The following CRYBG1 variants were observed in gnomAD, a reference collection of about 807,000 sequenced individuals.
CRYBG1 encodes crystallin beta-gamma domain containing 1.
Under a neutral mutation model 189.2 loss-of-function variants are expected in CRYBG1, and 139 were observed. The observed-to-expected ratio is 0.73, with a 90% CI of 0.64 to 0.85. The LOEUF (loss-of-function observed/expected upper bound fraction) is 0.85. CRYBG1 is among the 40% of genes least tolerant of loss of function. The pLI is 0.00. For missense variants in CRYBG1, 2,611 were observed against 2,675.8 expected (o/e 0.98, Z 0.53); for synonymous variants, 1,023 against 1,017.1 (o/e 1.01, Z -0.11).
At chr6:106,513,123 T>C in intron 3 of CRYBG1, 84 bp downstream of exon 3, 2 of 1,455,910 alleles carry the variant, frequency 1.4e-6, no homozygotes, top group Non-Finnish European at 9.2e-7. Context: ...GTATCTGCAT[T>C]GTGGAAGAAA....
chr6:106,543,697 G>A (rs879941976), intron 11 of CRYBG1, 100 bp downstream of exon 11: 1 of 1,311,972 alleles, frequency 7.6e-7, no homozygotes, highest in Non-Finnish European at 1.1e-6. Flanking sequence ...TGATTCTATA[G>A]TATGGTGAAT....
chr6:106,417,744 G>A (rs1771051769), intron 1 of CRYBG1, among the ~76,000 whole-genome samples: 1 of 152,228 alleles, frequency 6.6e-6, no homozygotes, highest in African/African-American at 2.4e-5. Context: ...GAGCCAGCTG[G>A]CCACTCCAGG....
intron 2 of CRYBG1, among the ~76,000 whole-genome samples, chr6:106,496,797 T>C (rs1162724533): frequency 6.6e-6 from 1 of 152,242 alleles, no homozygotes; most frequent in East Asian, 1.9e-4. Flanking sequence ...TGGCAAGTGC[T>C]GCAGGTACTA....
At chr6:106,436,941 T>C (rs549922843) in intron 1 of CRYBG1, among the ~76,000 whole-genome samples, 96 of 148,142 alleles carry the variant, frequency 6.5e-4, no homozygotes, top group Non-Finnish European at 1.0e-3. Flanking sequence ...TGTTAAACCA[T>C]TGGACATTAT....
chr6:106,428,685 A>T (rs1771271112), intron 1 of CRYBG1, among the ~76,000 whole-genome samples: 1 of 152,324 alleles, frequency 6.6e-6, no homozygotes, highest in South Asian at 2.1e-4. Flanking sequence ...CAGAGTTGGC[A>T]TTTATGTAAG....
At chr6:106,433,722 TATATATATATATAC>T (rs1239162494) in intron 1 of CRYBG1, among the ~76,000 whole-genome samples, 1 of 61,754 alleles carries the variant, frequency 1.6e-5, no homozygotes, top group African/African-American at 1.1e-4. Flanking sequence ...CTGGGAAATA[TATATATATATATAC>T]ATATATATGT....
intron 1 of CRYBG1, among the ~76,000 whole-genome samples, chr6:106,374,569 A>C (rs1770109431): frequency 6.6e-6 from 1 of 152,064 alleles, no homozygotes; most frequent in South Asian, 2.1e-4. Flanking sequence ...AAAACAAACA[A>C]ATATGCTCAA....
intron 1 of CRYBG1, among the ~76,000 whole-genome samples, chr6:106,370,249 T>C (rs1246495309): frequency 6.7e-6 from 1 of 150,146 alleles, no homozygotes; most frequent in Non-Finnish European, 1.5e-5. Flanking sequence ...TTGGGGCTTC[T>C]GCCCAAGCTG....
rs146137130 is a variant in CRYBG1 at position 106,512,557 on chromosome 6, C to A, written c.1440C>A (p.Ser480=). ...CAGCCCTCGACGGGGGCGTTGCCTC[C>A]GCTGCGAGCCCAGAGTCCAAGCCCA... ...PRAALDGGVA[S]AASPESKPSP... Residue 480 remains serine, a synonymous_variant, in exon 3 of 22, where the codon TCC becomes TCA. Coordinates refer to ENST00000633556, the MANE Select transcript of CRYBG1 (RefSeq NM_001371242.2). The A allele has an allele frequency of 5.5e-4, 876 of 1,607,186 alleles. 6 individuals carry two copies. In the African/African-American group the frequency reaches 0.01, roughly 19 times the overall value.
chr6:106,566,264 G>A lies in CRYBG1; in HGVS notation c.6302-2208G>A, dbSNP rs376327148. On this transcript the variant is annotated intron_variant, in intron 21 of 21. Coordinates refer to ENST00000633556, the MANE Select transcript of CRYBG1 (RefSeq NM_001371242.2). The stretch of plus-strand genomic sequence containing the variant: ...GTCCCTGACTTGTTACATTAGCAGC[G>A]GACCAGAAGGAAGGACACCTCACTC... Among the ~76,000 whole-genome samples the A allele has an allele frequency of 4.6e-5, 7 of 151,556 alleles. No homozygotes were observed. The East Asian group carries it at 9.7e-4, about 21-fold the overall frequency.
chr6:106,418,331 A>G (rs9373860), intron 1 of CRYBG1, among the ~76,000 whole-genome samples: 57,370 of 152,092 alleles, frequency 0.38, 11,441 homozygotes, highest in South Asian at 0.58. Context: ...GCAAACAGGA[A>G]CAGAAGTTCT....
At chr6:106,566,464 CTT>C (rs34773477) in intron 21 of CRYBG1, among the ~76,000 whole-genome samples, 15 of 71,644 alleles carry the variant, frequency 2.1e-4, no homozygotes, top group African/African-American at 3.8e-4. Context: ...CAACAACAGT[CTT>C]TTTTTTTTTT....
chr6:106,498,470 T>C (rs1772904857), intron 2 of CRYBG1, among the ~76,000 whole-genome samples: 1 of 152,156 alleles, frequency 6.6e-6, no homozygotes, highest in South Asian at 2.1e-4. Flanking sequence ...AAATAATTAA[T>C]GATATGGGTA....
intron 8 of CRYBG1, among the ~76,000 whole-genome samples, chr6:106,538,885 A>C (rs1387637734): frequency 2.9e-5 from 2 of 69,190 alleles, no homozygotes; most frequent in Non-Finnish European, 3.1e-5. Context: ...ACAGAACAAG[A>C]CTCCGTCAAA....
intron 1 of CRYBG1, among the ~76,000 whole-genome samples, chr6:106,442,710 A>G (rs1446076138): frequency 6.6e-6 from 1 of 152,246 alleles, no homozygotes. Flanking sequence ...CTTACAGAGC[A>G]TCTGTGATGT....
chr6:106,548,619 C>G (rs1315914826), intron 13 of CRYBG1, among the ~76,000 whole-genome samples: 2 of 152,150 alleles, frequency 1.3e-5, no homozygotes, highest in African/African-American at 4.8e-5. Context: ...ACCCTCTTAT[C>G]TCTCTACTTG....
rs954495373 is a variant in CRYBG1 at position 106,544,911 on chromosome 6, T to C, written c.5290T>C (p.Ser1764Pro). 6.2e-7 allele frequency: 1 copy of C among 1,610,936 alleles called. No individual in the cohort carries two copies. Among genetic ancestry groups the C allele is most frequent in the Non-Finnish European group, 8.5e-7 (1 of 1,179,134 alleles). The stretch of plus-strand genomic sequence containing the variant: ...GACTGGATATGGAGTGAAGACACAG[T>C]CTATTAATGTACTGAGTGGAGTGTA... ...KETGYGVKTQSINVLSGVWVA... is the reference protein window; with the variant it reads ...KETGYGVKTQPINVLSGVWVA... Residue 1764 changes from serine (S) to proline (P), a missense_variant, in exon 13 of 22, where the codon TCT (serine) becomes CCT (proline). Physicochemically the swap from Ser to Pro is moderately conservative, Grantham distance 74. Around this residue, in one of 3 missense-constraint regions of CRYBG1, gnomAD observed 1,622 missense variants for 1,735.0 expected, o/e 0.93. Coordinates refer to ENST00000633556, the MANE Select transcript of CRYBG1 (RefSeq NM_001371242.2).
intron 2 of CRYBG1, among the ~76,000 whole-genome samples, chr6:106,463,208 C>CTAT (rs60556008): frequency 0.076 from 11,493 of 151,422 alleles, 685 homozygotes; most frequent in East Asian, 0.24. Flanking sequence ...CTGTCCTGTG[C>CTAT]TATTCGTACA....
At chr6:106,497,511 T>C (rs1772879689) in intron 2 of CRYBG1, among the ~76,000 whole-genome samples, 1 of 152,200 alleles carries the variant, frequency 6.6e-6, no homozygotes, top group Admixed American at 6.5e-5. Flanking sequence ...TCCAGCTCTT[T>C]CTGTGTCTGA....
Sources: gnomAD v4.1 joint callset for allele counts (sites outside exome capture counted in the v4.1 genomes callset) on GRCh38, gnomAD v4.1.1 for gene constraint, gnomAD v4.1.1 regional missense constraint, MANE v1.5 for transcripts, NCBI Gene and HGNC (gene_info 2026-07-23, HGNC 2026-07-21) for gene names.